DEPTOR: variants seen among roughly 807,000 people sequenced by gnomAD.
DEPTOR encodes the protein DEP domain-containing mTOR-interacting protein.
Under a neutral mutation model 41.6 loss-of-function variants are expected in DEPTOR, and 41 were observed. The ratio of observed to expected loss-of-function variants is 0.98; its 90% confidence interval spans 0.77 to 1.28. DEPTOR has a LOEUF of 1.28. Among genes scored for constraint, DEPTOR ranks in the 50% most tolerant of loss-of-function variants. The pLI is 0.00. For missense variants in DEPTOR, 514 were observed against 527.9 expected (o/e 0.97, Z 0.26); for synonymous variants, 195 against 192.3 (o/e 1.01, Z -0.12).
At chr8:120,049,378 A>AT (rs57019053) in intron 8 of DEPTOR, among the ~76,000 whole-genome samples, 198 bp from the exon 9 acceptor site, 158 of 146,516 alleles carry the variant, frequency 1.1e-3, no homozygotes, top group African/African-American at 1.7e-3. Context: ...CACTAAAACG[A>AT]TTTTTTTTTT....
At position 119,873,812 on chromosome 8, in the gene DEPTOR, A is replaced by T. The variant is rs755503280; in HGVS notation, c.-35A>T. On this transcript the variant is annotated 5_prime_UTR_variant, in exon 1 of 9. Coordinates refer to ENST00000286234, the MANE Select transcript of DEPTOR (RefSeq NM_022783.4). ...CCGAGCACCCAAACCCTCGGCGGAC[A>T]GCGGAGCCAGTGGTAGCCGCACGGC... 1 of 1,606,702 alleles carries T rather than the reference A, an allele frequency of 6.2e-7. No individual in the cohort carries two copies. Among genetic ancestry groups the T allele is most frequent in the Admixed American group, 1.7e-5 (1 of 59,254 alleles).
intron 3 of DEPTOR, among the ~76,000 whole-genome samples, chr8:119,941,766 T>G (rs1421802092): frequency 6.6e-6 from 1 of 152,162 alleles, no homozygotes; most frequent in African/African-American, 2.4e-5. Context: ...ATAGGGAAAT[T>G]GAGTCTAGAG....
At chr8:119,994,963 A>G (rs912965176) in intron 4 of DEPTOR, among the ~76,000 whole-genome samples, 2 of 151,756 alleles carry the variant, frequency 1.3e-5, no homozygotes, top group Admixed American at 6.6e-5. Flanking sequence ...AAGAAGAATT[A>G]GAAGAATTAG....
intron 1 of DEPTOR, among the ~76,000 whole-genome samples, chr8:119,914,797 C>A (rs985495191): frequency 1.3e-5 from 2 of 152,194 alleles, no homozygotes; most frequent in African/African-American, 4.8e-5. Flanking sequence ...AATTACAAAC[C>A]GTAGGAGGTG....
At chr8:119,991,309 G>T (rs1812169815) in intron 4 of DEPTOR, among the ~76,000 whole-genome samples, 1 of 151,554 alleles carries the variant, frequency 6.6e-6, no homozygotes, top group South Asian at 2.1e-4. Context: ...AGGCCCCAGG[G>T]CCTGGTCTTT....
intron 8 of DEPTOR, among the ~76,000 whole-genome samples, chr8:120,049,145 A>G (rs1299220654): frequency 6.6e-6 from 1 of 152,146 alleles, no homozygotes; most frequent in Non-Finnish European, 1.5e-5. Context: ...ATAATTAATA[A>G]TTGGGAGCAA....
At chr8:119,918,879 C>T (rs1827850819) in intron 1 of DEPTOR, among the ~76,000 whole-genome samples, 1 of 152,160 alleles carries the variant, frequency 6.6e-6, no homozygotes, top group Non-Finnish European at 1.5e-5. Context: ...CAGGCCTGAG[C>T]CACCGCGCCT....
At chr8:119,905,799 T>A (rs1827655554) in intron 1 of DEPTOR, among the ~76,000 whole-genome samples, 1 of 152,028 alleles carries the variant, frequency 6.6e-6, no homozygotes, top group Non-Finnish European at 1.5e-5. Flanking sequence ...CATGTCACTA[T>A]GCCCAGCTAA....
Position 120,001,505 on chromosome 8 carries a change from G to GTT in DEPTOR, c.605-10_605-9dup, listed in dbSNP as rs11395630. On this transcript the variant is annotated intron_variant, in intron 4 of 8. Coordinates refer to ENST00000286234, the MANE Select transcript of DEPTOR (RefSeq NM_022783.4). ...GGATGCCAGATAGTCCTCATTGGTTGTTTTTTTTTTTCTCCCCAGTGTCCA... is the reference window on the plus strand; with the variant it reads ...GGATGCCAGATAGTCCTCATTGGTTGTTTTTTTTTTTTTCTCCCCAGTGTCCA... 0.017 allele frequency: 20,846 copies of GTT among 1,217,672 alleles called. 42 individuals are homozygous for GTT. Among genetic ancestry groups the GTT allele is most frequent in the Non-Finnish European group, 0.018 (16,375 of 886,434 alleles). The allele number at this position is 1,217,672 out of a possible 1,614,324, so 75.4% of individuals were successfully genotyped here. A position where few individuals can be genotyped will look rare whatever the true frequency, so the allele number is the denominator to read the frequency against.
chr8:119,991,054 C>CT lies in DEPTOR; in HGVS notation c.605-10468dup, dbSNP rs1431277896. Among the ~76,000 whole-genome samples, 5 of 25,880 alleles carry CT rather than the reference C, an allele frequency of 1.9e-4. No homozygotes were observed. In the South Asian group the frequency reaches 4.6e-3, roughly 24 times the overall value. 17.0% of individuals were successfully genotyped at this position (25,880 alleles called of 152,430 possible). A position where few individuals can be genotyped will look rare whatever the true frequency, so the allele number is the denominator to read the frequency against. ...CTTTTCTTTCTTTCTTTCTTTCTTTCTTTCTTTCTTTCTTTCTTTCTTTCT... is the reference window on the plus strand; with the variant it reads ...CTTTTCTTTCTTTCTTTCTTTCTTTCTTTTCTTTCTTTCTTTCTTTCTTTCT... On this transcript the variant is annotated intron_variant, in intron 4 of 8. Coordinates refer to ENST00000286234, the MANE Select transcript of DEPTOR (RefSeq NM_022783.4).
At chr8:119,924,573 C>A (rs943523213) in intron 1 of DEPTOR, among the ~76,000 whole-genome samples, 14 of 152,066 alleles carry the variant, frequency 9.2e-5, no homozygotes, top group Admixed American at 8.5e-4. Flanking sequence ...CATCTTTTCC[C>A]TTTATTCAAA....
intron 1 of DEPTOR, among the ~76,000 whole-genome samples, chr8:119,899,694 C>A (rs997005560): frequency 1.3e-5 from 2 of 152,160 alleles, no homozygotes; most frequent in Admixed American, 6.6e-5. Flanking sequence ...CAGAGAAACT[C>A]GCAAACCTAT....
chr8:119,976,707 T>A (rs1288572370), intron 4 of DEPTOR, among the ~76,000 whole-genome samples: 2 of 152,166 alleles, frequency 1.3e-5, no homozygotes, highest in Non-Finnish European at 2.9e-5. Context: ...TTTCTGCATA[T>A]GCAGTTGCCG....
chr8:119,978,264 C>T (rs900316274), intron 4 of DEPTOR, among the ~76,000 whole-genome samples: 1 of 152,136 alleles, frequency 6.6e-6, no homozygotes, highest in African/African-American at 2.4e-5. Context: ...ACTGAGTGCT[C>T]AGCTTGGCCT....
chr8:119,921,748 G>GTTTTTTTTTTTTTTTT (rs1282897659), intron 1 of DEPTOR, among the ~76,000 whole-genome samples: 9 of 131,132 alleles, frequency 6.9e-5, no homozygotes, highest in South Asian at 2.7e-4. Context: ...CTATTCTGTA[G>GTTTTTTTTTTTTTTTT]TTTTTTTTTT....
At chr8:119,986,400 T>A (rs2130035221) in intron 4 of DEPTOR, among the ~76,000 whole-genome samples, 1 of 152,332 alleles carries the variant, frequency 6.6e-6, no homozygotes, top group Non-Finnish European at 1.5e-5. Context: ...AGATCTGCTC[T>A]TAGTCTGATG....
chr8:120,009,683 C>T (rs1812502154), intron 8 of DEPTOR, among the ~76,000 whole-genome samples: 1 of 152,158 alleles, frequency 6.6e-6, no homozygotes, highest in Non-Finnish European at 1.5e-5. Flanking sequence ...ATACCTCTAG[C>T]TTAATTTCAT....
At chr8:119,984,240 C>T (rs532258860) in intron 4 of DEPTOR, among the ~76,000 whole-genome samples, 3 of 152,198 alleles carry the variant, frequency 2.0e-5, no homozygotes, top group Admixed American at 2.0e-4. Flanking sequence ...CTTCTATGGA[C>T]CAGGGACGCT....
chr8:119,983,731 T>C (rs1828796376), intron 4 of DEPTOR, among the ~76,000 whole-genome samples: 1 of 150,910 alleles, frequency 6.6e-6, no homozygotes, highest in Non-Finnish European at 1.5e-5. Flanking sequence ...AAATGTAAAG[T>C]TTATTTTTTA....
Sources: allele counts gnomAD v4.1 joint callset (sites outside exome capture counted in the v4.1 genomes callset), GRCh38; gene constraint gnomAD v4.1.1; transcripts MANE v1.5; gene names NCBI Gene and HGNC (gene_info 2026-07-23, HGNC 2026-07-21).